Variants in NAALADL2 observed in about 807,000 individuals in gnomAD.
NAALADL2 encodes inactive N-acetylated-alpha-linked acidic dipeptidase-like protein 2.
A neutral mutation model predicts 87.2 loss-of-function variants in NAALADL2; 76 were observed. The ratio of observed to expected loss-of-function variants is 0.87; its 90% CI spans 0.72 to 1.05. The LOEUF (loss-of-function observed/expected upper bound fraction) is 1.05, where lower values mean the gene tolerates loss of function less well. NAALADL2 is among the 50% of genes least tolerant of loss of function. The probability of loss-of-function intolerance (pLI) is 0.00; values close to 1 mark genes in which losing one functional copy is unlikely to be tolerated. For synonymous variants in NAALADL2, 354 were observed against 331.0 expected, an observed-to-expected ratio of 1.07 and a Z score of -0.75; for missense variants, 1,089 against 945.8, an observed-to-expected ratio of 1.15 and a Z score of -1.99.
At chr3:175,314,299 C>T (rs1758758357) in intron 4 of NAALADL2, among the ~76,000 whole-genome samples, 1 of 151,292 alleles carries the variant, frequency 6.6e-6, no homozygotes, top group African/African-American at 2.4e-5. Context: ...ATGGAATCAG[C>T]CACCTTGCAG....
upstream of NAALADL2, among the ~76,000 whole-genome samples, chr3:174,855,982 A>ATG (rs903149677): frequency 4.5e-5 from 1 of 22,400 alleles, no homozygotes; most frequent in Non-Finnish European, 1.0e-4. Flanking sequence ...GTGTGTGTGT[A>ATG]TATATATATA....
chr3:175,417,781 C>T (rs1298558043), intron 5 of NAALADL2, among the ~76,000 whole-genome samples: 1 of 151,946 alleles, frequency 6.6e-6, no homozygotes, highest in Non-Finnish European at 1.5e-5. Context: ...TATCTTTTAC[C>T]CAACATTCTG....
chr3:174,486,142 A>T (rs564842976), intron 1 of NAALADL2, among the ~76,000 whole-genome samples: 1 of 151,980 alleles, frequency 6.6e-6, no homozygotes, highest in Non-Finnish European at 1.5e-5. Context: ...CCCTTTTCCC[A>T]CATGGAGGGC....
At chr3:174,878,667 C>G (rs189054121) in intron 1 of NAALADL2, among the ~76,000 whole-genome samples, 1 of 151,864 alleles carries the variant, frequency 6.6e-6, no homozygotes, top group African/African-American at 2.4e-5. Context: ...TCTGTTCTGC[C>G]GCTCTTTTCT....
intron 3 of NAALADL2, among the ~76,000 whole-genome samples, chr3:174,803,041 C>T (rs148378790): frequency 1.3e-5 from 2 of 151,644 alleles, no homozygotes; most frequent in East Asian, 3.9e-4. Flanking sequence ...GTTCTAGATA[C>T]TTGAATTGCC....
intron 1 of NAALADL2, among the ~76,000 whole-genome samples, chr3:174,926,276 A>T (rs1490860378): frequency 6.6e-6 from 1 of 152,138 alleles, no homozygotes; most frequent in African/African-American, 2.4e-5. Context: ...CAAGTTGGAA[A>T]ACACTGCAGG....
intron 2 of NAALADL2, among the ~76,000 whole-genome samples, chr3:175,202,685 G>C (rs563315504): frequency 3.3e-5 from 5 of 152,194 alleles, no homozygotes; most frequent in Admixed American, 2.6e-4. Context: ...GAACTCCCAA[G>C]AGTATATGCC....
chr3:175,109,062 G>T (rs1276827231), intron 2 of NAALADL2, among the ~76,000 whole-genome samples: 2 of 151,688 alleles, frequency 1.3e-5, no homozygotes, highest in Non-Finnish European at 2.9e-5. Flanking sequence ...ATTCCTATAA[G>T]ATCTGTTTTC....
intron 1 of NAALADL2, among the ~76,000 whole-genome samples, chr3:175,091,804 A>G (rs1720186496): frequency 6.6e-6 from 1 of 152,038 alleles, no homozygotes; most frequent in South Asian, 2.1e-4. Flanking sequence ...AATGAATTTT[A>G]TATAAATGTT....
At chr3:175,638,742 G>T (rs1242548956) in intron 11 of NAALADL2, among the ~76,000 whole-genome samples, 1 of 152,036 alleles carries the variant, frequency 6.6e-6, no homozygotes, top group Non-Finnish European at 1.5e-5. Flanking sequence ...AACCAAAACA[G>T]ATGAAAACAT....
intron 2 of NAALADL2, among the ~76,000 whole-genome samples, chr3:174,702,365 A>G (rs921785488): frequency 2.6e-5 from 4 of 152,118 alleles, no homozygotes; most frequent in African/African-American, 9.7e-5. Flanking sequence ...TTATTAATCT[A>G]TCTGTCAATT....
In NAALADL2 at chr3:175,256,522, C is replaced by A; in HGVS notation, c.931C>A (p.Leu311Ile). ...CCTGAAATTAGGAAAATTGCCACTG[C>A]TTTATAAGGTTGGTCCAGTGAATGT... Reference protein sequence around the residue: ...ALLKLGKLPLLYKLSSLEKAG... With the variant: ...ALLKLGKLPLIYKLSSLEKAG... Residue 311 changes from leucine to isoleucine, a missense_variant, in exon 4 of 14, where the codon CTT (leucine) becomes ATT (isoleucine). Physicochemically the swap from Leu to Ile is conservative, Grantham distance 5. Transcript: ENST00000454872. The A allele has an allele frequency of 1.9e-6, 3 of 1,611,448 alleles. No individual in the cohort carries two copies. The highest frequency in any genetic ancestry group is 2.5e-6 in the Non-Finnish European group (3 of 1,178,884).
At chr3:175,549,749 A>G (rs992531014) in intron 9 of NAALADL2, among the ~76,000 whole-genome samples, 1 of 152,004 alleles carries the variant, frequency 6.6e-6, no homozygotes, top group African/African-American at 2.4e-5. Flanking sequence ...ACTGCAAAAA[A>G]CTTAAGTCTT....
chr3:174,948,533 G>A (rs1477687747), intron 1 of NAALADL2, among the ~76,000 whole-genome samples: 1 of 152,150 alleles, frequency 6.6e-6, no homozygotes, highest in Non-Finnish European at 1.5e-5. Context: ...GATAACTTTT[G>A]TCTGGTACTT....
In NAALADL2 at chr3:175,298,109, A is replaced by G. The variant is rs570441962; in HGVS notation, c.940-26066A>G. Among the ~76,000 whole-genome samples, 10 of 152,264 alleles carry G rather than the reference A, an allele frequency of 6.6e-5. No individual in the cohort carries two copies. In the East Asian group the frequency reaches 1.9e-3, roughly 29 times the overall value. Reference sequence around the variant, plus strand: ...ATTTTATAACTTTTTCAAATAAGACAGGGAAACAAAGTGGCTAAATACTCA... The same window carrying G: ...ATTTTATAACTTTTTCAAATAAGACGGGGAAACAAAGTGGCTAAATACTCA... On this transcript the variant is annotated intron_variant, in intron 4 of 13. Coordinates refer to ENST00000454872, the MANE Select transcript of NAALADL2 (RefSeq NM_207015.3).
At chr3:174,543,287 T>C (rs1722420400) in intron 1 of NAALADL2, among the ~76,000 whole-genome samples, 1 of 152,084 alleles carries the variant, frequency 6.6e-6, no homozygotes, top group Non-Finnish European at 1.5e-5. Context: ...TTGTGGGTGT[T>C]ATGCAGTAGA....
intron 2 of NAALADL2, among the ~76,000 whole-genome samples, chr3:174,628,827 T>G (rs1386428373): frequency 2.6e-5 from 4 of 152,310 alleles, no homozygotes; most frequent in South Asian, 4.1e-4. Context: ...ACTGTCAGAT[T>G]AATTTTTCAG....
chr3:175,783,462 G>T (rs1751446072), intron 13 of NAALADL2, among the ~76,000 whole-genome samples: 1 of 151,454 alleles, frequency 6.6e-6, no homozygotes, highest in African/African-American at 2.4e-5. Flanking sequence ...TATTCTCTTG[G>T]AAGCAATTGT....
chr3:175,565,117 A>C (rs1560766733), intron 9 of NAALADL2, among the ~76,000 whole-genome samples: 1 of 152,214 alleles, frequency 6.6e-6, no homozygotes, highest in Non-Finnish European at 1.5e-5. Flanking sequence ...TCCCTTAGCT[A>C]AATGGGAGGA....
Sources: allele counts gnomAD v4.1 joint callset (sites outside exome capture counted in the v4.1 genomes callset), GRCh38; gene constraint gnomAD v4.1.1; transcripts MANE v1.5; gene names NCBI Gene and HGNC (gene_info 2026-07-23, HGNC 2026-07-21).